Variants in PTPRD observed in about 807,000 individuals in gnomAD.
PTPRD encodes receptor-type tyrosine-protein phosphatase delta.
In PTPRD, 34 loss-of-function variants were observed where a neutral mutation model predicts 214.5. The observed-to-expected ratio is 0.16, with a 90% CI of 0.12 to 0.21. PTPRD has a LOEUF of 0.21. Among genes scored for constraint, PTPRD ranks in the 10% least tolerant of loss-of-function variants. The pLI is 1.00. For synonymous variants in PTPRD, 1,128 were observed against 845.7 expected, an observed-to-expected ratio of 1.33 and a Z score of -5.79; for missense variants, 2,545 against 2,398.7, an observed-to-expected ratio of 1.06 and a Z score of -1.27.
chr9:10,146,153 A>C (rs2099021077), intron 3 of PTPRD, among the ~76,000 whole-genome samples: 1 of 54,488 alleles, frequency 1.8e-5, no homozygotes, highest in African/African-American at 4.8e-5. Context: ...AATCATCCAT[A>C]TATATATATA....
intron 43 of PTPRD, among the ~76,000 whole-genome samples, chr9:8,336,475 T>A (rs1412049722): frequency 4.2e-5 from 3 of 72,208 alleles, no homozygotes; most frequent in Admixed American, 1.9e-4. Flanking sequence ...ACCTAAGATG[T>A]AAAATGATGA....
chr9:8,571,977 A>C (rs2091270365), intron 14 of PTPRD, among the ~76,000 whole-genome samples: 1 of 152,220 alleles, frequency 6.6e-6, no homozygotes, highest in East Asian at 1.9e-4. Flanking sequence ...GAAAGAATTA[A>C]AGTTGGTGGA....
chr9:8,762,626 T>C (rs1380102456), intron 11 of PTPRD, among the ~76,000 whole-genome samples: 2 of 152,130 alleles, frequency 1.3e-5, no homozygotes, highest in African/African-American at 2.4e-5. Flanking sequence ...TCTTTTAAAA[T>C]TAATGGCCTG....
chr9:10,120,726 C>A (rs1265398052), intron 3 of PTPRD, among the ~76,000 whole-genome samples: 1 of 151,924 alleles, frequency 6.6e-6, no homozygotes, highest in African/African-American at 2.4e-5. Context: ...CCAAAAATGA[C>A]ATTTCTTCTT....
At chr9:8,877,089 G>A (rs1189088974) in intron 11 of PTPRD, among the ~76,000 whole-genome samples, 1 of 152,026 alleles carries the variant, frequency 6.6e-6, no homozygotes, top group Non-Finnish European at 1.5e-5. Flanking sequence ...ACCATGTCCA[G>A]ATAATTTTTG....
At chr9:8,690,383 C>T (rs181902879) in intron 12 of PTPRD, among the ~76,000 whole-genome samples, 47 of 151,296 alleles carry the variant, frequency 3.1e-4, no homozygotes, top group African/African-American at 1.1e-3. Flanking sequence ...AAAAATTAGC[C>T]GGGCATGGTG....
intron 14 of PTPRD, among the ~76,000 whole-genome samples, chr9:8,573,391 C>T (rs555123002): frequency 9.2e-5 from 14 of 151,996 alleles, no homozygotes; most frequent in African/African-American, 1.4e-4. Flanking sequence ...TAGAACACTG[C>T]TTTAACAGAA....
At chr9:10,030,451 A>G (rs1240673589) in intron 4 of PTPRD, among the ~76,000 whole-genome samples, 1 of 152,204 alleles carries the variant, frequency 6.6e-6, no homozygotes, top group Non-Finnish European at 1.5e-5. Flanking sequence ...AGGCCTTAGG[A>G]GTACCTGTTG....
chr9:9,577,767 C>T (rs753206009), intron 7 of PTPRD, among the ~76,000 whole-genome samples: 11 of 151,288 alleles, frequency 7.3e-5, no homozygotes, highest in Non-Finnish European at 1.5e-4. Flanking sequence ...TGGATCAGTC[C>T]GGGCACGGTG....
At chr9:10,538,845 T>C (rs778703191) in intron 2 of PTPRD, among the ~76,000 whole-genome samples, 26 of 152,216 alleles carry the variant, frequency 1.7e-4, no homozygotes, top group Non-Finnish European at 3.5e-4. Flanking sequence ...ATCTTGAATC[T>C]TGATATATAG....
chr9:10,453,913 G>C (rs1357253560), intron 2 of PTPRD, among the ~76,000 whole-genome samples: 1 of 151,564 alleles, frequency 6.6e-6, no homozygotes, highest in Non-Finnish European at 1.5e-5. Flanking sequence ...TCACCATTGA[G>C]CGTGAGTCAG....
intron 32 of PTPRD, among the ~76,000 whole-genome samples, chr9:8,461,613 T>C (rs974856262): frequency 6.6e-6 from 1 of 151,860 alleles, no homozygotes; most frequent in African/African-American, 2.4e-5. Context: ...CCTATTTTTT[T>C]TTTTTTCATT....
chr9:9,792,522 G>A (rs1032306792), intron 5 of PTPRD, among the ~76,000 whole-genome samples: 10 of 152,040 alleles, frequency 6.6e-5, no homozygotes, highest in African/African-American at 2.4e-4. Context: ...TCTTCTCCTA[G>A]TAGCCCTGGA....
chr9:9,301,808 T>C (rs1955424173), intron 9 of PTPRD, among the ~76,000 whole-genome samples: 1 of 151,916 alleles, frequency 6.6e-6, no homozygotes, highest in Admixed American at 6.6e-5. Context: ...ACTCTATGCA[T>C]TCATAAGAGA....
At chr9:9,686,323 CTCA>C (rs2097166952) in intron 7 of PTPRD, among the ~76,000 whole-genome samples, 1 of 151,190 alleles carries the variant, frequency 6.6e-6, no homozygotes, top group African/African-American at 2.4e-5. Context: ...TATATTTAAA[CTCA>C]TTTTTTTACT....
chr9:10,151,781 A>T (rs1422114406), intron 3 of PTPRD, among the ~76,000 whole-genome samples: 1 of 152,064 alleles, frequency 6.6e-6, no homozygotes, highest in East Asian at 1.9e-4. Flanking sequence ...AGCCCAGGAA[A>T]CCACTGATCT....
chr9:9,144,353 A>G (rs1213556985), intron 10 of PTPRD, among the ~76,000 whole-genome samples: 1 of 152,232 alleles, frequency 6.6e-6, no homozygotes, highest in Non-Finnish European at 1.5e-5. Flanking sequence ...GTCTGCTGAC[A>G]TGTACTAAAG....
intron 3 of PTPRD, among the ~76,000 whole-genome samples, chr9:10,184,374 A>G (rs1283189923): frequency 6.6e-6 from 1 of 152,120 alleles, no homozygotes; most frequent in Non-Finnish European, 1.5e-5. Context: ...GCAATGAGCC[A>G]AGATGGCACC....
At chr9:9,581,428 T>C (rs2090734055) in intron 7 of PTPRD, among the ~76,000 whole-genome samples, 1 of 152,122 alleles carries the variant, frequency 6.6e-6, no homozygotes, top group Non-Finnish European at 1.5e-5. Context: ...AATAAATGCT[T>C]TAAAAAATAA....
Sources: gnomAD v4.1 joint callset for allele counts (sites outside exome capture counted in the v4.1 genomes callset) on GRCh38, gnomAD v4.1.1 for gene constraint, MANE v1.5 for transcripts, NCBI Gene and HGNC (gene_info 2026-07-23, HGNC 2026-07-21) for gene names.